AR: variants seen among roughly 807,000 people sequenced by gnomAD.
The protein encoded by AR is androgen receptor.
AR carries 8 observed loss-of-function variants against 53.9 expected under a neutral mutation model. That is an observed-to-expected ratio of 0.15 (90% CI 0.09 to 0.27). The LOEUF is 0.27. Among genes scored for constraint, AR ranks in the 10% least tolerant of loss-of-function variants. The pLI is 1.00. For synonymous variants in AR, 359 were observed against 316.4 expected, an observed-to-expected ratio of 1.13 and a Z score of -1.43; for missense variants, 639 against 742.5, an observed-to-expected ratio of 0.86 and a Z score of 1.62.
Position 67,586,631 on chromosome X carries a change from T to A in AR, c.1616+39869T>A, listed in dbSNP as rs112636054. 4.3e-3 allele frequency among the ~76,000 whole-genome samples: 485 copies of A among 112,397 alleles called. 3 individuals are homozygous for A. The highest frequency in any genetic ancestry group is 0.015 in the African/African-American group (464 of 30,997). ...ACCTTCAACCTTTCAGGCTTCCAAT[T>A]TTCTCTCTGAAAAGGACAGCCAAAT... is the stretch of plus-strand genomic sequence containing the variant. On this transcript the variant is annotated intron_variant, in intron 1 of 7. Transcript: ENST00000374690.
intron 1 of AR, among the ~76,000 whole-genome samples, chrX:67,632,808 A>G (rs935419828): frequency 6.2e-5 from 7 of 112,560 alleles, no homozygotes; most frequent in East Asian, 2.8e-4. Context: ...AATTTAGAAT[A>G]TATAAAGAAC....
At chrX:67,723,602 C>T (rs1266978898) in intron 7 of AR, 84 bp from the exon 8 acceptor site, 1 of 1,115,103 alleles carries the variant, frequency 9.0e-7, no homozygotes, top group Non-Finnish European at 1.2e-6. Context: ...GGCTGAAAGA[C>T]CAAAAATCAG....
chrX:67,675,170 G>T (rs978144891), intron 2 of AR, among the ~76,000 whole-genome samples: 2 of 108,813 alleles, frequency 1.8e-5, no homozygotes, highest in Non-Finnish European at 1.9e-5. Context: ...TATCCAAATT[G>T]CAAGACCAAG....
In AR at chrX:67,729,978, C is replaced by CA. The variant is rs969114410; in HGVS notation, c.*6145dup. 30 of 167,196 alleles carry CA rather than the reference C, an allele frequency of 1.8e-4. No homozygotes were observed. Among genetic ancestry groups the CA allele is most frequent in the African/African-American group, 4.4e-4 (14 of 32,176 alleles). 13.8% of individuals were successfully genotyped at this position (167,196 alleles called of 1,213,427 possible). On this transcript the variant is annotated 3_prime_UTR_variant, in exon 8 of 8. Coordinates refer to ENST00000374690, the MANE Select transcript of AR (RefSeq NM_000044.6). ...GCAGCCACCATCAGAATGACCCACG[C>CA]AAAAAAAAGAAAAAAAAAATTAAAA...
intron 1 of AR, among the ~76,000 whole-genome samples, chrX:67,642,369 G>T: frequency 8.9e-6 from 1 of 111,817 alleles, no homozygotes; most frequent in East Asian, 2.9e-4. Context: ...AACCTTCCAT[G>T]AAGGTTTTAG....
intron 1 of AR, among the ~76,000 whole-genome samples, chrX:67,636,198 A>T (rs1248511591): frequency 9.0e-6 from 1 of 110,968 alleles, no homozygotes; most frequent in Non-Finnish European, 1.9e-5. Flanking sequence ...TGTCAGCCAC[A>T]TAATAGGAGC....
At chrX:67,647,711 G>C in intron 2 of AR, among the ~76,000 whole-genome samples, 1 of 111,285 alleles carries the variant, frequency 9.0e-6, no homozygotes, top group Non-Finnish European at 1.9e-5. Context: ...TTTAGATTTA[G>C]GGGTTGGTTA....
intron 1 of AR, among the ~76,000 whole-genome samples, chrX:67,614,430 C>G (rs1220420879): frequency 9.0e-6 from 1 of 111,050 alleles, no homozygotes; most frequent in East Asian, 2.8e-4. Flanking sequence ...TATGTAAACC[C>G]AGAGTTGACC....
At chrX:67,651,185 G>T (rs377104042) in intron 2 of AR, among the ~76,000 whole-genome samples, 1 of 101,242 alleles carries the variant, frequency 9.9e-6, no homozygotes, top group Non-Finnish European at 2.0e-5. Flanking sequence ...AGACTACAGG[G>T]GCTCATCACC....
In AR at chrX:67,626,270, G is replaced by C. The variant is rs759382408; in HGVS notation, c.1617-16986G>C. ...CCATGATTTCCTCTTATCTCCATGAGTTCAGTAGTTTCAGCTCATGGAGAT... is the reference window on the plus strand; with the variant it reads ...CCATGATTTCCTCTTATCTCCATGACTTCAGTAGTTTCAGCTCATGGAGAT... On this transcript the variant is annotated intron_variant, in intron 1 of 7. Transcript: ENST00000374690. Among the ~76,000 whole-genome samples, 3 of 109,161 alleles carry C rather than the reference G, an allele frequency of 2.7e-5. No individual in the cohort carries two copies. The Admixed American group carries it at 3.0e-4, about 11-fold the overall frequency. 94.8% of individuals were successfully genotyped at this position (109,161 alleles called of 115,157 possible).
intron 2 of AR, among the ~76,000 whole-genome samples, chrX:67,661,513 T>C (rs1361728128): frequency 7.1e-5 from 8 of 111,999 alleles, no homozygotes; most frequent in East Asian, 2.8e-4. Context: ...TGCTGGATTA[T>C]GTTTATTGAT....
intron 3 of AR, among the ~76,000 whole-genome samples, chrX:67,711,022 T>A (rs971993534): frequency 3.6e-5 from 4 of 111,981 alleles, no homozygotes; most frequent in African/African-American, 1.3e-4. Context: ...GAAGCAAAGG[T>A]CTAACAATGG....
chrX:67,706,746 T>C (rs1392699543), intron 3 of AR, among the ~76,000 whole-genome samples: 1 of 112,020 alleles, frequency 8.9e-6, no homozygotes, highest in Non-Finnish European at 1.9e-5. Flanking sequence ...TGTTAGGGTG[T>C]CAATTTTAGA....
chrX:67,692,849 C>G (rs1313199987), intron 3 of AR, among the ~76,000 whole-genome samples: 2 of 111,634 alleles, frequency 1.8e-5, no homozygotes, highest in African/African-American at 6.5e-5. Flanking sequence ...TTTCTTTGTT[C>G]TTTGGTCTGT....
At chrX:67,641,608 A>T (rs1925769094) in intron 1 of AR, among the ~76,000 whole-genome samples, 1 of 111,652 alleles carries the variant, frequency 9.0e-6, no homozygotes, top group South Asian at 3.7e-4. Context: ...GTTTGTTGGA[A>T]GTGCTCTTGC....
chrX:67,722,230 T>G, intron 6 of AR: 1 of 346,185 alleles, frequency 2.9e-6, no homozygotes, highest in Non-Finnish European at 5.2e-6. Flanking sequence ...CAAGGCCTTT[T>G]TGACTGGTTA....
intron 3 of AR, among the ~76,000 whole-genome samples, chrX:67,708,753 T>G (rs2076080167): frequency 8.9e-6 from 1 of 111,829 alleles, no homozygotes; most frequent in Non-Finnish European, 1.9e-5. Context: ...TGCTCTGTTT[T>G]TTCCCCATCT....
chrX:67,550,734 C>T (rs971467833), intron 1 of AR, among the ~76,000 whole-genome samples: 4 of 109,637 alleles, frequency 3.6e-5, no homozygotes, highest in Non-Finnish European at 7.6e-5. Context: ...TCTCCCTACC[C>T]CCCACCTCCA....
At position 67,636,861 on chromosome X, in the gene AR, A is replaced by T. The variant is rs944929639; in HGVS notation, c.1617-6395A>T. Among the ~76,000 whole-genome samples the T allele has an allele frequency of 9.9e-5, 11 of 111,515 alleles. 1 individual carries two copies. The South Asian group carries it at 2.3e-3, about 23-fold the overall frequency. ...GGCACTATCTCAGGTCTCTAGTCAA[A>T]ATGGGTTGCAATTAGTAAAAGTCCA... On this transcript the variant is annotated intron_variant, in intron 1 of 7. Coordinates refer to ENST00000374690, the MANE Select transcript of AR (RefSeq NM_000044.6).
Sources: allele counts gnomAD v4.1 joint callset (sites outside exome capture counted in the v4.1 genomes callset), GRCh38; gene constraint gnomAD v4.1.1; transcripts MANE v1.5; gene names NCBI Gene and HGNC (gene_info 2026-07-23, HGNC 2026-07-21).